Variants in PCDHGA6 observed in about 807,000 individuals in gnomAD.
PCDHGA6 encodes the protein protocadherin gamma-A6.
A neutral mutation model predicts 60.6 loss-of-function variants in PCDHGA6; 41 were observed. The ratio of observed to expected loss-of-function variants is 0.68; its 90% confidence interval spans 0.53 to 0.88. The LOEUF is 0.88. Ranked by LOEUF, PCDHGA6 falls within the 40% of genes least tolerant of loss-of-function variation. The pLI is 0.00. For missense variants in PCDHGA6, 1,312 were observed against 1,203.0 expected (o/e 1.09, Z -1.34); for synonymous variants, 594 against 524.4 (o/e 1.13, Z -1.81).
intron 1 of PCDHGA6, chr5:141,390,890 G>C (rs1043821773): frequency 5.2e-5 from 8 of 152,592 alleles, no homozygotes; most frequent in African/African-American, 1.9e-4. Flanking sequence ...GTGTGTGTGA[G>C]AGAGATCCTT....
rs748017565 is a variant in PCDHGA6 at position 141,477,404 on chromosome 5, C to G, written c.2425-17403C>G. ...AGAATACAACCTCAGCATCACCGCCCGAGACGCCGGAACCCCTTCCCTCTC... is the reference window on the plus strand; with the variant it reads ...AGAATACAACCTCAGCATCACCGCCGGAGACGCCGGAACCCCTTCCCTCTC... On this transcript the variant is annotated intron_variant, in intron 1 of 3. Coordinates refer to ENST00000517434, the MANE Select transcript of PCDHGA6 (RefSeq NM_018919.3). The surrounding 1 kb of genome is among the most constrained non-coding windows in gnomAD (Gnocchi z 4.9). The G allele has an allele frequency of 1.9e-6, 3 of 1,614,042 alleles. No homozygotes were observed. Among genetic ancestry groups the G allele is most frequent in the African/African-American group, 1.3e-5 (1 of 74,902 alleles).
At chr5:141,381,761 A>G (rs1777413345) in intron 1 of PCDHGA6, among the ~76,000 whole-genome samples, 1 of 150,538 alleles carries the variant, frequency 6.6e-6, no homozygotes, top group Non-Finnish European at 1.5e-5. Flanking sequence ...TTCTACTACT[A>G]TATAATCAAT....
intron 1 of PCDHGA6, among the ~76,000 whole-genome samples, chr5:141,450,487 G>A (rs1379694010): frequency 1.3e-5 from 2 of 151,938 alleles, no homozygotes; most frequent in African/African-American, 2.4e-5. Context: ...TTGTTTGTTT[G>A]TCTGTTTGTT....
intron 1 of PCDHGA6, chr5:141,433,252 G>T (rs1398141147): frequency 1.4e-6 from 2 of 1,425,340 alleles, no homozygotes; most frequent in Non-Finnish European, 1.9e-6. Flanking sequence ...GGAATGCAGC[G>T]GTACGATCAT....
chr5:141,384,184 A>C (rs1179495803), intron 1 of PCDHGA6: 2 of 1,613,640 alleles, frequency 1.2e-6, no homozygotes, highest in Non-Finnish European at 1.7e-6. Flanking sequence ...AGATGGTGGA[A>C]CTCCTCCCTT....
intron 1 of PCDHGA6, among the ~76,000 whole-genome samples, chr5:141,437,716 C>T (rs575174227): frequency 1.2e-4 from 18 of 151,782 alleles, no homozygotes; most frequent in Admixed American, 1.0e-3. Flanking sequence ...CACAGTTACC[C>T]TCTAATGTTA....
At chr5:141,422,781 A>C (rs746943605) in intron 1 of PCDHGA6, 13 of 1,613,964 alleles carry the variant, frequency 8.1e-6, no homozygotes, top group African/African-American at 1.3e-5. Flanking sequence ...TCTATGCCCT[A>C]CAATCCTTCG....
intron 1 of PCDHGA6, among the ~76,000 whole-genome samples, chr5:141,402,471 A>G (rs1241536886): frequency 6.6e-6 from 1 of 152,238 alleles, no homozygotes; most frequent in Non-Finnish European, 1.5e-5. Context: ...CTAGAAATAG[A>G]GTGCAAAGTT....
chr5:141,509,081 A>T (rs1279221589), intron 3 of PCDHGA6, among the ~76,000 whole-genome samples: 1 of 152,160 alleles, frequency 6.6e-6, no homozygotes, highest in Non-Finnish European at 1.5e-5. Context: ...GATTTGCGAC[A>T]TGAAATGGGG....
chr5:141,392,931 G>T, intron 1 of PCDHGA6: 1 of 1,613,920 alleles, frequency 6.2e-7, no homozygotes, highest in Non-Finnish European at 8.5e-7. Context: ...AGAAGAGACG[G>T]ACAAAGGCTC....
chr5:141,488,158 G>A (rs534297140), intron 1 of PCDHGA6, among the ~76,000 whole-genome samples: 4 of 152,328 alleles, frequency 2.6e-5, no homozygotes, highest in South Asian at 2.1e-4. Context: ...AGAGAGGCAC[G>A]CATCAGAGTG....
At position 141,431,783 on chromosome 5, in the gene PCDHGA6, G is replaced by T; in HGVS notation, c.2424+55276G>T. 2 of 1,614,174 alleles carry T rather than the reference G, an allele frequency of 1.2e-6. No homozygotes were observed. Among genetic ancestry groups the T allele is most frequent in the East Asian group, 2.2e-5 (1 of 44,878 alleles). On this transcript the variant is annotated intron_variant, in intron 1 of 3. Transcript: ENST00000517434. The surrounding 1 kb of genome is among the most constrained non-coding windows in gnomAD (Gnocchi z 4.8). Reference sequence around the variant, plus strand: ...CCTGATCACTGTTCTGGACGTGAACGACAATGCCCCAGAAGTGGTCCTCAC... The same window carrying T: ...CCTGATCACTGTTCTGGACGTGAACTACAATGCCCCAGAAGTGGTCCTCAC...
chr5:141,472,454 C>T (rs538141635), intron 1 of PCDHGA6, among the ~76,000 whole-genome samples: 3 of 151,192 alleles, frequency 2.0e-5, no homozygotes, highest in South Asian at 4.2e-4. Context: ...GCAGGAGAAT[C>T]GCTTGAACCC....
At chr5:141,407,649 G>A (rs541467957) in intron 1 of PCDHGA6, among the ~76,000 whole-genome samples, 1 of 152,050 alleles carries the variant, frequency 6.6e-6, no homozygotes, top group East Asian at 1.9e-4. Flanking sequence ...AAAATAATGG[G>A]GGAGCGCAGT....
Position 141,430,614 on chromosome 5 carries a change from T to C in PCDHGA6, c.2424+54107T>C, listed in dbSNP as rs1030314096. 7.3e-6 allele frequency: 5 copies of C among 680,636 alleles called. No individual in the cohort carries two copies. In the African/African-American group the frequency reaches 7.4e-5, roughly 10 times the overall value. 42.2% of individuals were successfully genotyped at this position (680,636 alleles called of 1,614,324 possible). ...GCACGCGCCTGAAGCACAAAGCAGA[T>C]AGCTAGGAATGAACCATCCCTGGGA... On this transcript the variant is annotated intron_variant, in intron 1 of 3. Transcript: ENST00000517434.
chr5:141,394,020 AG>A (rs745548616), intron 1 of PCDHGA6: 1 of 1,613,544 alleles, frequency 6.2e-7, no homozygotes, highest in Non-Finnish European at 8.5e-7. Flanking sequence ...TAATTATTAT[AG>A]ATTAGTGACA....
rs778851755 is a variant in PCDHGA6, at chr5:141,477,795, G to A, written c.2425-17012G>A. ...AGCGTGAACATATTTGTCACTGATC[G>A]CAATGACAATGCCCCCCAGGTCCTA... On this transcript the variant is annotated intron_variant, in intron 1 of 3. Coordinates refer to ENST00000517434, the MANE Select transcript of PCDHGA6 (RefSeq NM_018919.3). This position sits in a 1 kb window ranked among gnomAD's most constrained non-coding sequence, Gnocchi z 4.9. The A allele has an allele frequency of 3.1e-6, 5 of 1,613,946 alleles. No individual in the cohort carries two copies. In the African/African-American group the frequency reaches 6.7e-5, roughly 22 times the overall value.
Position 141,404,690 on chromosome 5 carries a change from C to T in PCDHGA6, c.2424+28183C>T, listed in dbSNP as rs199517824. The T allele has an allele frequency of 1.9e-4, 304 of 1,613,808 alleles. 1 individual carries two copies. Among genetic ancestry groups the T allele is most frequent in the Non-Finnish European group, 2.1e-4 (250 of 1,179,844 alleles). On this transcript the variant is annotated intron_variant, in intron 1 of 3. Coordinates refer to ENST00000517434, the MANE Select transcript of PCDHGA6 (RefSeq NM_018919.3). ...TTCTACTGGTGTGGAGCTGGCACCC[C>T]GCTCTGCAGAGCCTGGCTACCTGGT...
intron 1 of PCDHGA6, chr5:141,400,189 CT>C (rs770137840): frequency 5.6e-6 from 9 of 1,614,056 alleles, no homozygotes; most frequent in Non-Finnish European, 7.6e-6. Context: ...GCAGTTTTAC[CT>C]AGTGGTGGCC....
Sources: gnomAD v4.1 joint callset for allele counts (sites outside exome capture counted in the v4.1 genomes callset) on GRCh38, gnomAD v4.1.1 for gene constraint, Gnocchi (gnomAD v3.1) non-coding constraint, MANE v1.5 for transcripts, NCBI Gene and HGNC (gene_info 2026-07-23, HGNC 2026-07-21) for gene names.